Variants in ACAP2 observed in about 807,000 individuals in gnomAD.
ACAP2 encodes ArfGAP with coiled-coil, ankyrin repeat and PH domains 2, also known as arf-GAP with coiled-coil, ANK repeat and PH domain-containing protein 2.
Under a neutral mutation model 115.8 loss-of-function variants are expected in ACAP2, and 39 were observed. The observed-to-expected ratio is 0.34, with a 90% CI of 0.26 to 0.44. The LOEUF is 0.44. Ranked by LOEUF, ACAP2 falls within the 20% of genes least tolerant of loss-of-function variation. ACAP2 has a pLI of 1.00. For synonymous variants in ACAP2, 289 were observed against 315.8 expected, an observed-to-expected ratio of 0.92 and a Z score of 0.90; for missense variants, 662 against 927.6, an observed-to-expected ratio of 0.71 and a Z score of 3.72.
chr3:195,386,473 TGGGTTC>T (rs1029541210), intron 2 of ACAP2, among the ~76,000 whole-genome samples: 3 of 152,166 alleles, frequency 2.0e-5, no homozygotes, highest in African/African-American at 7.2e-5. Flanking sequence ...TAAAAAAGAA[TGGGTTC>T]ATGTCCTTTG....
intron 4 of ACAP2, chr3:195,356,280 A>G: frequency 2.3e-6 from 1 of 440,568 alleles, no homozygotes; most frequent in Non-Finnish European, 4.6e-6. Flanking sequence ...TGAATGGAGC[A>G]TTTAGACCAG....
chr3:195,397,215 G>T (rs1711867645), intron 1 of ACAP2, among the ~76,000 whole-genome samples: 1 of 152,130 alleles, frequency 6.6e-6, no homozygotes, highest in Non-Finnish European at 1.5e-5. Context: ...GTGCCTATAT[G>T]TATGTGTCCA....
chr3:195,442,457 G>T (rs1447964316), intron 1 of ACAP2, among the ~76,000 whole-genome samples: 1 of 152,246 alleles, frequency 6.6e-6, no homozygotes, highest in African/African-American at 2.4e-5. Context: ...AAGGGGGCGA[G>T]AGCGAGCGCC....
At chr3:195,428,680 C>G (rs754448931) in intron 1 of ACAP2, among the ~76,000 whole-genome samples, 6 of 152,016 alleles carry the variant, frequency 3.9e-5, no homozygotes, top group Admixed American at 1.3e-4. Flanking sequence ...ATGCATTTCT[C>G]AGAAGATATT....
chr3:195,296,378 G>A (rs890725447), intron 16 of ACAP2, among the ~76,000 whole-genome samples: 3 of 152,054 alleles, frequency 2.0e-5, no homozygotes, highest in Non-Finnish European at 4.4e-5. Context: ...AAATAAACTT[G>A]TAACTTATGA....
intron 1 of ACAP2, among the ~76,000 whole-genome samples, chr3:195,437,836 C>CAAAA (rs1265472821): frequency 9.8e-6 from 1 of 101,656 alleles, no homozygotes. Flanking sequence ...AAAAAAAAAG[C>CAAAA]AAAAAAAAAC....
intron 4 of ACAP2, among the ~76,000 whole-genome samples, chr3:195,359,236 C>T (rs1183364309): frequency 2.0e-5 from 3 of 152,194 alleles, no homozygotes; most frequent in African/African-American, 7.2e-5. Context: ...AAGAAATCAT[C>T]TGCAGGTGCA....
intron 1 of ACAP2, among the ~76,000 whole-genome samples, chr3:195,431,428 CTA>C (rs543998477): frequency 6.6e-5 from 10 of 151,576 alleles, no homozygotes; most frequent in Non-Finnish European, 1.3e-4. Flanking sequence ...TATGGTAACT[CTA>C]TGTTTAACTT....
At chr3:195,353,436 G>C (rs1204918099) in intron 4 of ACAP2, among the ~76,000 whole-genome samples, 1 of 152,160 alleles carries the variant, frequency 6.6e-6, no homozygotes, top group Non-Finnish European at 1.5e-5. Flanking sequence ...CAATCGTATT[G>C]AGCAATAAAA....
rs925589401 is a variant in ACAP2 at position 195,286,121 on chromosome 3, T to C, written c.2175-264A>G. Among the ~76,000 whole-genome samples, 7 of 152,310 alleles carry C rather than the reference T, an allele frequency of 4.6e-5. No individual in the cohort carries two copies. The East Asian group carries it at 1.3e-3, about 29-fold the overall frequency. Reference sequence around the variant, plus strand: ...TGCAGCAGCATCCCCGCAATACCTCTAGTGGCTTGCTTCCTCCAGATGCCT... The same window carrying C: ...TGCAGCAGCATCCCCGCAATACCTCCAGTGGCTTGCTTCCTCCAGATGCCT... On this transcript the variant is annotated intron_variant, in intron 21 of 22. Coordinates refer to ENST00000326793, the MANE Select transcript of ACAP2 (RefSeq NM_012287.6).
At chr3:195,316,006 G>A (rs1236892376) in intron 10 of ACAP2, among the ~76,000 whole-genome samples, 1 of 152,164 alleles carries the variant, frequency 6.6e-6, no homozygotes, top group Non-Finnish European at 1.5e-5. Flanking sequence ...CATTGTAGTA[G>A]TCCATGGAAG....
chr3:195,428,766 A>C (rs1714883371), intron 1 of ACAP2, among the ~76,000 whole-genome samples: 1 of 152,230 alleles, frequency 6.6e-6, no homozygotes, highest in South Asian at 2.1e-4. Flanking sequence ...ACAATGGGTA[A>C]TATCAAAAGG....
chr3:195,395,119 A>C (rs781757335), intron 1 of ACAP2, among the ~76,000 whole-genome samples: 7 of 144,684 alleles, frequency 4.8e-5, no homozygotes, highest in Non-Finnish European at 1.0e-4. Context: ...ACAATCTTTC[A>C]AAATATTAAA....
At chr3:195,442,129 G>C (rs950005902) in intron 1 of ACAP2, 3 of 152,456 alleles carry the variant, frequency 2.0e-5, no homozygotes, top group African/African-American at 7.2e-5. Flanking sequence ...AGCTTAAGTG[G>C]AAAGAAAAGC....
rs766637433 is a variant in ACAP2 at position 195,291,769 on chromosome 3, A to G, written c.2000T>C (p.Val667Ala). ...CEFLLQNGAN[V>A]NQRDVQGRGP... is the part of the protein sequence containing the mutation. ...CCGCCCTTGGACATCTCTTTGGTTGACATTAGCACCATTCTGTAGGAGGAA... is the reference window on the plus strand; with the variant it reads ...CCGCCCTTGGACATCTCTTTGGTTGGCATTAGCACCATTCTGTAGGAGGAA... The change falls in exon 20 of 23, where the codon GTC becomes GCC. Residue 667 changes from valine to alanine, a missense_variant. By Grantham distance (64) the Val-to-Ala change is moderately conservative. Transcript: ENST00000326793. The G allele has an allele frequency of 6.2e-6, 10 of 1,613,934 alleles. No homozygotes were observed. The highest frequency in any genetic ancestry group is 1.3e-5 in the African/African-American group (1 of 74,922).
intron 10 of ACAP2, among the ~76,000 whole-genome samples, chr3:195,315,699 TAA>T (rs1729042724): frequency 1.3e-5 from 2 of 152,334 alleles, no homozygotes; most frequent in Middle Eastern, 3.4e-3. Flanking sequence ...TTCTAGTCAA[TAA>T]CTGCCATTTC....
chr3:195,308,908 T>C (rs1728582466), intron 10 of ACAP2, 71 bp from the exon 11 acceptor site: 1 of 1,400,238 alleles, frequency 7.1e-7, no homozygotes, highest in African/African-American at 1.5e-5. Context: ...AAATGAAATA[T>C]TTGAGAAAGC....
intron 1 of ACAP2, among the ~76,000 whole-genome samples, chr3:195,414,996 T>A (rs1354395071): frequency 6.6e-6 from 1 of 152,166 alleles, no homozygotes; most frequent in Non-Finnish European, 1.5e-5. Context: ...GATGAATCAG[T>A]AAAGCCCAGA....
chr3:195,372,658 C>CA (rs960882697), intron 4 of ACAP2, among the ~76,000 whole-genome samples: 13 of 150,634 alleles, frequency 8.6e-5, no homozygotes, highest in African/African-American at 2.4e-4. Flanking sequence ...CCCCGCTCTA[C>CA]AAAAAAAAAT....
Sources: allele counts gnomAD v4.1 joint callset (sites outside exome capture counted in the v4.1 genomes callset), GRCh38; gene constraint gnomAD v4.1.1; transcripts MANE v1.5; gene names NCBI Gene and HGNC (gene_info 2026-07-23, HGNC 2026-07-21).